Variants in BACH1 observed in about 807,000 individuals in gnomAD.
The protein encoded by BACH1 is transcription regulator protein BACH1.
Under a neutral mutation model 52.9 loss-of-function variants are expected in BACH1, and 35 were observed. The ratio of observed to expected loss-of-function variants is 0.66; its 90% CI spans 0.51 to 0.88. The LOEUF (loss-of-function observed/expected upper bound fraction) is 0.88, where lower values mean the gene tolerates loss of function less well. BACH1 is among the 40% of genes least tolerant of loss of function. BACH1 has a pLI of 0.00. For missense variants in BACH1, 808 were observed against 872.6 expected, an observed-to-expected ratio of 0.93 and a Z score of 0.93; for synonymous variants, 321 against 319.6, an observed-to-expected ratio of 1.00 and a Z score of -0.05.
chr21:29,350,892 C>G (rs981000844), downstream of BACH1, among the ~76,000 whole-genome samples: 1 of 152,134 alleles, frequency 6.6e-6, no homozygotes, highest in Middle Eastern at 3.2e-3. Context: ...AGCAGACTCC[C>G]ATGAAAGCCA....
chr21:29,352,297 G>A (rs902796339), intron 2 of BACH1, among the ~76,000 whole-genome samples: 8 of 151,880 alleles, frequency 5.3e-5, no homozygotes, highest in African/African-American at 1.2e-4. Context: ...CAAGTGATCC[G>A]CCCGCCTCGG....
chr21:29,351,346 C>A (rs1036737443), intron 2 of BACH1, among the ~76,000 whole-genome samples: 2 of 152,156 alleles, frequency 1.3e-5, no homozygotes, highest in Non-Finnish European at 1.5e-5. Flanking sequence ...TAAAGTAATA[C>A]CTATTTGGTC....
intron 1 of BACH1, among the ~76,000 whole-genome samples, chr21:29,302,566 C>G (rs916248243): frequency 6.6e-5 from 10 of 152,190 alleles, no homozygotes; most frequent in African/African-American, 1.9e-4. Context: ...TCATTGTTTC[C>G]TCTGTAAAAC....
chr21:29,358,200 T>A (rs936225418), intron 2 of BACH1, among the ~76,000 whole-genome samples: 3 of 152,200 alleles, frequency 2.0e-5, no homozygotes, highest in Non-Finnish European at 4.4e-5. Context: ...AAAACTAATT[T>A]GGCCTCAAGA....
At position 29,342,698 on chromosome 21, in the gene BACH1, C is replaced by T. The variant is rs375429569; in HGVS notation, c.2076C>T (p.Tyr692=). The T allele has an allele frequency of 7.0e-5, 113 of 1,614,074 alleles. 1 individual carries two copies. The highest frequency in any genetic ancestry group is 5.9e-4 in the South Asian group (54 of 91,086). The change falls in exon 5 of 5, where the codon TAC becomes TAT. Residue 692 remains tyrosine, a synonymous_variant. Coordinates refer to ENST00000286800, the MANE Select transcript of BACH1 (RefSeq NM_001186.4). ...CCAGAGGAAACAGTGAGCCTGGCTACGCGCGAGGGCAGGAGTCCCAGCAGA... is the reference window on the plus strand; with the variant it reads ...CCAGAGGAAACAGTGAGCCTGGCTATGCGCGAGGGCAGGAGTCCCAGCAGA... ...PCARGNSEPG[Y]ARGQESQQMS...
chr21:29,353,395 A>G (rs1180476943), intron 2 of BACH1, among the ~76,000 whole-genome samples: 2 of 152,224 alleles, frequency 1.3e-5, no homozygotes, highest in African/African-American at 4.8e-5. Context: ...CGTCTTGTAT[A>G]GAATGGTACC....
At chr21:29,309,645 T>A (rs568656850) in intron 1 of BACH1, among the ~76,000 whole-genome samples, 3 of 152,346 alleles carry the variant, frequency 2.0e-5, no homozygotes, top group Admixed American at 2.0e-4. Context: ...GGCAGACTTG[T>A]GCAATTTTAA....
At chr21:29,360,852 AAAAAAAAAAC>A (rs1432506631) in intron 2 of BACH1, among the ~76,000 whole-genome samples, 2 of 151,402 alleles carry the variant, frequency 1.3e-5, no homozygotes, top group Non-Finnish European at 2.9e-5. Flanking sequence ...TCTCAAAAAA[AAAAAAAAAAC>A]AAAAAAAAAC....
chr21:29,352,717 GT>G (rs900272935), intron 2 of BACH1: 42 of 139,574 alleles, frequency 3.0e-4, no homozygotes, highest in South Asian at 4.6e-4. Flanking sequence ...TGTTGTTTTT[GT>G]TTTTTTTTTT....
intron 2 of BACH1, among the ~76,000 whole-genome samples, chr21:29,352,205 C>T (rs1196036877): frequency 2.0e-5 from 3 of 151,984 alleles, no homozygotes; most frequent in Admixed American, 2.0e-4. Flanking sequence ...TAGGTGTGCA[C>T]CACCACACCT....
downstream of BACH1, among the ~76,000 whole-genome samples, chr21:29,348,356 C>T (rs767156180): frequency 1.3e-4 from 20 of 152,028 alleles, no homozygotes; most frequent in Non-Finnish European, 2.6e-4. Flanking sequence ...ACCCTTGTTT[C>T]GAAACAAGCT....
At chr21:29,330,817 T>TA (rs2088972327) in intron 4 of BACH1, among the ~76,000 whole-genome samples, 2 of 151,612 alleles carry the variant, frequency 1.3e-5, no homozygotes, top group Non-Finnish European at 2.9e-5. Context: ...AGTTGAAAAA[T>TA]AAAAAATTAT....
chr21:29,351,798 T>TA, intron 2 of BACH1: 1 of 530,400 alleles, frequency 1.9e-6, no homozygotes, highest in South Asian at 1.4e-5. Flanking sequence ...GTAGAGCACA[T>TA]AGCTGCTAAG....
rs1490584719 is a variant in BACH1 at position 29,327,019 on chromosome 21, A to G, written c.1195A>G (p.Lys399Glu). 2.5e-6 allele frequency: 4 copies of G among 1,614,222 alleles called. No homozygotes were observed. The highest frequency in any genetic ancestry group is 3.4e-6 in the Non-Finnish European group (4 of 1,180,036). Residue 399 changes from lysine to glutamate, a missense_variant, in exon 3 of 5, where the codon AAA becomes GAA. Coordinates refer to ENST00000286800, the MANE Select transcript of BACH1 (RefSeq NM_001186.4). ...GCGAGAAGTGGCAGAACACCTAGCAAAAGGCTTCTGGAGTGACATTTGCAG... is the reference window on the plus strand; with the variant it reads ...GCGAGAAGTGGCAGAACACCTAGCAGAAGGCTTCTGGAGTGACATTTGCAG... ...VEREVAEHLA[K>E]GFWSDICSTD...
At chr21:29,348,513 C>T (rs117214), downstream of BACH1, among the ~76,000 whole-genome samples, 68,021 of 151,882 alleles carry the variant, frequency 0.45, 15,708 homozygotes, top group South Asian at 0.59. Context: ...CCCCAGTGTT[C>T]TGTAACTCAC....
chr21:29,346,435 T>G (rs1474809155), downstream of BACH1, among the ~76,000 whole-genome samples: 1 of 152,218 alleles, frequency 6.6e-6, no homozygotes, highest in Non-Finnish European at 1.5e-5. Context: ...ATCTGCCGAG[T>G]CAGCTCTTTG....
chr21:29,334,376 G>C (rs2089020758), intron 4 of BACH1, among the ~76,000 whole-genome samples: 1 of 152,156 alleles, frequency 6.6e-6, no homozygotes, highest in Non-Finnish European at 1.5e-5. Context: ...GGGATTATAG[G>C]CGTGAGCCAC....
intron 2 of BACH1, among the ~76,000 whole-genome samples, chr21:29,325,335 G>A (rs1263302959): frequency 6.6e-6 from 1 of 152,120 alleles, no homozygotes; most frequent in African/African-American, 2.4e-5. Flanking sequence ...TGCCTTCTGT[G>A]TACTGGAGTT....
intron 3 of BACH1, 96 bp downstream of exon 3, chr21:29,327,489 G>A: frequency 6.8e-7 from 1 of 1,472,618 alleles, no homozygotes; most frequent in Non-Finnish European, 9.1e-7. Flanking sequence ...GATATAATCA[G>A]GTTCAGGGAG....
Sources: allele counts gnomAD v4.1 joint callset (sites outside exome capture counted in the v4.1 genomes callset), GRCh38; gene constraint gnomAD v4.1.1; transcripts MANE v1.5; gene names NCBI Gene and HGNC (gene_info 2026-07-23, HGNC 2026-07-21).